The following CADPS variants were observed in gnomAD, a reference collection of about 807,000 sequenced individuals.
The protein encoded by CADPS is calcium dependent secretion activator, also known as calcium-dependent secretion activator 1.
CADPS carries 57 observed loss-of-function variants against 167.3 expected under a neutral mutation model. The observed-to-expected ratio is 0.34, with a 90% CI of 0.28 to 0.42. The LOEUF (loss-of-function observed/expected upper bound fraction) is 0.42. Ranked by LOEUF, CADPS falls within the 20% of genes least tolerant of loss-of-function variation. The pLI is 1.00. For missense variants in CADPS, 1,414 were observed against 1,738.1 expected (o/e 0.81, Z 3.32); for synonymous variants, 676 against 635.3 (o/e 1.06, Z -0.96).
intron 21 of CADPS, among the ~76,000 whole-genome samples, chr3:62,489,780 T>G (rs7631150): frequency 0.21 from 31,202 of 152,066 alleles, 3,962 homozygotes; most frequent in African/African-American, 0.35. Flanking sequence ...TATTACTCAT[T>G]TTAACCTTTT....
chr3:62,569,695 T>G (rs759161033), intron 9 of CADPS, among the ~76,000 whole-genome samples: 6 of 152,216 alleles, frequency 3.9e-5, no homozygotes, highest in Non-Finnish European at 5.9e-5. Context: ...TTGGTAGCAC[T>G]CTAAATATTA....
At chr3:62,703,551 C>T (rs558185521) in intron 3 of CADPS, among the ~76,000 whole-genome samples, 55 of 152,168 alleles carry the variant, frequency 3.6e-4, no homozygotes, top group African/African-American at 1.1e-3. Flanking sequence ...TGAATTCTAA[C>T]GCCAGTTTTT....
intron 3 of CADPS, among the ~76,000 whole-genome samples, chr3:62,698,757 T>TTA (rs1554088701): frequency 8.8e-5 from 7 of 79,352 alleles, no homozygotes; most frequent in East Asian, 8.9e-4. Context: ...TTTTTTTTTT[T>TTA]CAGACAGGGT....
intron 2 of CADPS, among the ~76,000 whole-genome samples, chr3:62,754,368 G>A (rs1303386558): frequency 6.6e-6 from 1 of 151,706 alleles, no homozygotes; most frequent in Non-Finnish European, 1.5e-5. Context: ...TTGTATTTTT[G>A]GTACATACAG....
At chr3:62,595,896 G>A (rs1034109210) in intron 6 of CADPS, among the ~76,000 whole-genome samples, 1 of 152,010 alleles carries the variant, frequency 6.6e-6, no homozygotes, top group Non-Finnish European at 1.5e-5. Context: ...GGAGAGACTG[G>A]CTTAGCCTTC....
chr3:62,655,189 C>G (rs960457556), intron 4 of CADPS, among the ~76,000 whole-genome samples: 1 of 152,136 alleles, frequency 6.6e-6, no homozygotes, highest in Non-Finnish European at 1.5e-5. Context: ...GGACTTAAGC[C>G]TTGGGAAGAA....
At chr3:62,678,866 G>A (rs1202264804) in intron 3 of CADPS, among the ~76,000 whole-genome samples, 1 of 151,968 alleles carries the variant, frequency 6.6e-6, no homozygotes, top group Non-Finnish European at 1.5e-5. Flanking sequence ...GTCCAACCTA[G>A]CCCTACTATC....
At position 62,439,668 on chromosome 3, in the gene CADPS, G is replaced by A. The variant is rs189337071; in HGVS notation, c.3670-1457C>T. 2.3e-3 allele frequency: 353 copies of A among 152,268 alleles called. 2 individuals are homozygous for A. Among genetic ancestry groups the A allele is most frequent in the African/African-American group, 8.1e-3 (335 of 41,548 alleles). 9.4% of individuals were successfully genotyped at this position (152,268 alleles called of 1,614,324 possible). A position where few individuals can be genotyped will look rare whatever the true frequency, so the allele number is the denominator to read the frequency against. On this transcript the variant is annotated intron_variant, in intron 27 of 29. Coordinates refer to ENST00000383710, the MANE Select transcript of CADPS (RefSeq NM_003716.4). ...AAAGGGCATTCTCAGTAGGGATGGG[G>A]ATCTCTACCTGGGGGACTTGAGAAA...
chr3:62,480,945 C>A (rs1324729235), intron 22 of CADPS, among the ~76,000 whole-genome samples: 1 of 152,146 alleles, frequency 6.6e-6, no homozygotes, highest in Non-Finnish European at 1.5e-5. Context: ...CCCTCACTCC[C>A]CCAAACTGCT....
chr3:62,740,900 A>T (rs1423967177), intron 3 of CADPS, among the ~76,000 whole-genome samples: 3 of 152,224 alleles, frequency 2.0e-5, no homozygotes, highest in Non-Finnish European at 4.4e-5. Flanking sequence ...CACTGCCACT[A>T]TATATTACAA....
chr3:62,698,912 T>A (rs11713461), intron 3 of CADPS, among the ~76,000 whole-genome samples: 70,325 of 150,736 alleles, frequency 0.47, 17,546 homozygotes, highest in East Asian at 0.86. Context: ...GCTATTTTTT[T>A]TAAAATTTCT....
At chr3:62,808,277 C>G (rs547958570) in intron 1 of CADPS, among the ~76,000 whole-genome samples, 1 of 151,828 alleles carries the variant, frequency 6.6e-6, no homozygotes, top group East Asian at 1.9e-4. Flanking sequence ...TATGAGAAAA[C>G]TGAGGTACAA....
chr3:62,764,777 CCAA>C (rs1356364214), intron 2 of CADPS, among the ~76,000 whole-genome samples: 2 of 151,984 alleles, frequency 1.3e-5, no homozygotes, highest in African/African-American at 2.4e-5. Context: ...AGCAGGCACA[CCAA>C]CATTTTTGTT....
chr3:62,528,856 A>T (rs979118213), intron 13 of CADPS, among the ~76,000 whole-genome samples: 3 of 152,190 alleles, frequency 2.0e-5, no homozygotes, highest in African/African-American at 7.2e-5. Context: ...ATTTTATAGC[A>T]AATGTTTGGA....
chr3:62,604,819 G>A (rs962112714), intron 6 of CADPS, among the ~76,000 whole-genome samples: 8 of 152,152 alleles, frequency 5.3e-5, no homozygotes, highest in African/African-American at 1.7e-4. Context: ...TTTATTCTTA[G>A]TTCCTGAGTA....
chr3:62,631,551 T>G (rs1448809588), intron 6 of CADPS, among the ~76,000 whole-genome samples: 1 of 152,200 alleles, frequency 6.6e-6, no homozygotes, highest in Non-Finnish European at 1.5e-5. Context: ...AAGACATTAA[T>G]TGCCCTCAGT....
chr3:62,615,067 G>A (rs1168690400), intron 6 of CADPS, among the ~76,000 whole-genome samples: 1 of 152,156 alleles, frequency 6.6e-6, no homozygotes, highest in African/African-American at 2.4e-5. Flanking sequence ...GTGAGGAGAG[G>A]CTGGCAGCAT....
At chr3:62,596,545 G>A (rs1562657119) in intron 6 of CADPS, among the ~76,000 whole-genome samples, 1 of 152,146 alleles carries the variant, frequency 6.6e-6, no homozygotes, top group Admixed American at 6.5e-5. Context: ...AATCAAGTCA[G>A]AGTAATTAGC....
At chr3:62,468,899 C>T (rs1239108698) in intron 24 of CADPS, among the ~76,000 whole-genome samples, 2 of 152,170 alleles carry the variant, frequency 1.3e-5, no homozygotes, top group Non-Finnish European at 2.9e-5. Context: ...AGAATTATAA[C>T]TTGTGAATAT....
Sources: allele counts gnomAD v4.1 joint callset (sites outside exome capture counted in the v4.1 genomes callset), GRCh38; gene constraint gnomAD v4.1.1; transcripts MANE v1.5; gene names NCBI Gene and HGNC (gene_info 2026-07-23, HGNC 2026-07-21).